DTNA: variants seen among roughly 807,000 people sequenced by gnomAD.
DTNA encodes the protein dystrophin-related protein 3.
In DTNA, 43 loss-of-function variants were observed where a neutral mutation model predicts 100.7. The ratio of observed to expected loss-of-function variants is 0.43; its 90% CI spans 0.33 to 0.55. The LOEUF (loss-of-function observed/expected upper bound fraction) is 0.55. Among genes scored for constraint, DTNA ranks in the 20% least tolerant of loss-of-function variants. DTNA has a pLI of 0.04. For missense variants in DTNA, 798 were observed against 953.9 expected (o/e 0.84, Z 2.15); for synonymous variants, 349 against 347.9 (o/e 1.00, Z -0.04).
At chr18:34,586,966 G>GTTT (rs56229514) in intron 1 of DTNA, among the ~76,000 whole-genome samples, 27 of 146,056 alleles carry the variant, frequency 1.8e-4, no homozygotes, top group Non-Finnish European at 2.1e-4. Flanking sequence ...AAAATCTTTA[G>GTTT]TTTTTTTTTT....
chr18:34,814,797 T>C (rs2149370436), intron 6 of DTNA, among the ~76,000 whole-genome samples: 1 of 152,334 alleles, frequency 6.6e-6, no homozygotes, highest in South Asian at 2.1e-4. Flanking sequence ...TGTTCTGTTA[T>C]ATGATTTATA....
chr18:34,677,177 G>A (rs895663921), intron 1 of DTNA, among the ~76,000 whole-genome samples: 7 of 152,128 alleles, frequency 4.6e-5, no homozygotes, highest in African/African-American at 1.4e-4. Flanking sequence ...AGGAACAGCA[G>A]AATTTAAAGC....
At chr18:34,771,300 C>T (rs1332253723) in intron 3 of DTNA, among the ~76,000 whole-genome samples, 1 of 151,990 alleles carries the variant, frequency 6.6e-6, no homozygotes, top group Non-Finnish European at 1.5e-5. Context: ...GAGATCGAGA[C>T]CATCCTGGCT....
Position 34,867,051 on chromosome 18 carries a change from A to G in DTNA, c.1743+2989A>G, listed in dbSNP as rs1208767573. On this transcript the variant is annotated intron_variant, in intron 17 of 22. Transcript: ENST00000444659. ...GCAAAATAAAAGCAGCTTTAATTTC[A>G]AGTGCATGTACCACGCTATGTATGA... 5.7e-6 allele frequency: 7 copies of G among 1,228,700 alleles called. 1 individual carries two copies. Among genetic ancestry groups the G allele is most frequent in the African/African-American group, 3.1e-5 (2 of 64,368 alleles). 76.1% of individuals were successfully genotyped at this position (1,228,700 alleles called of 1,614,324 possible).
At chr18:34,877,897 T>C in intron 19 of DTNA, 89 bp downstream of exon 19, 1 of 1,107,788 alleles carries the variant, frequency 9.0e-7, no homozygotes, top group Non-Finnish European at 1.4e-6. Context: ...GCTTATTGTC[T>C]AATATCAAAA....
intron 1 of DTNA, among the ~76,000 whole-genome samples, chr18:34,697,337 G>A (rs1424304406): frequency 6.6e-6 from 1 of 152,174 alleles, no homozygotes; most frequent in Non-Finnish European, 1.5e-5. Context: ...CAACTCCTGT[G>A]AGGTCACTGT....
At chr18:34,628,590 C>T (rs771534802) in intron 1 of DTNA, among the ~76,000 whole-genome samples, 6 of 152,170 alleles carry the variant, frequency 3.9e-5, no homozygotes, top group Non-Finnish European at 8.8e-5. Flanking sequence ...AATTGCTTAT[C>T]AGAGAACTTC....
intron 1 of DTNA, among the ~76,000 whole-genome samples, chr18:34,525,166 G>A (rs556602881): frequency 2.1e-3 from 313 of 152,180 alleles, no homozygotes; most frequent in African/African-American, 7.0e-3. Context: ...GAAAGTCTCC[G>A]TGACTCCCAA....
intron 1 of DTNA, among the ~76,000 whole-genome samples, chr18:34,502,358 A>G (rs1346120573): frequency 6.6e-6 from 1 of 151,938 alleles, no homozygotes; most frequent in Non-Finnish European, 1.5e-5. Flanking sequence ...TTTCCATTTC[A>G]TTGATTTCTG....
At chr18:34,796,732 A>C (rs1398912120) in intron 4 of DTNA, among the ~76,000 whole-genome samples, 1 of 152,220 alleles carries the variant, frequency 6.6e-6, no homozygotes, top group Admixed American at 6.5e-5. Flanking sequence ...CTCATGAAGA[A>C]TAAGAACTTG....
intron 1 of DTNA, among the ~76,000 whole-genome samples, chr18:34,656,760 G>A (rs2074432201): frequency 6.6e-6 from 1 of 152,118 alleles, no homozygotes; most frequent in South Asian, 2.1e-4. Flanking sequence ...ATAGTTGTTA[G>A]ATGTTGAAAT....
chr18:34,710,985 AG>A (rs1225327458), intron 1 of DTNA, among the ~76,000 whole-genome samples: 9 of 152,076 alleles, frequency 5.9e-5, no homozygotes, highest in Non-Finnish European at 2.9e-5. Flanking sequence ...TAACATGTAT[AG>A]TCCGGTTTTA....
intron 1 of DTNA, among the ~76,000 whole-genome samples, chr18:34,591,523 T>A (rs2049723143): frequency 6.6e-6 from 1 of 152,212 alleles, no homozygotes. Context: ...TGGCCGCACG[T>A]CTGTCCACCC....
At chr18:34,598,795 G>A (rs1445347712) in intron 1 of DTNA, among the ~76,000 whole-genome samples, 1 of 152,146 alleles carries the variant, frequency 6.6e-6, no homozygotes, top group African/African-American at 2.4e-5. Context: ...GAACCTGGGA[G>A]GTGGAGCTTG....
At chr18:34,789,875 A>G (rs1228829511) in intron 3 of DTNA, among the ~76,000 whole-genome samples, 2 of 152,194 alleles carry the variant, frequency 1.3e-5, no homozygotes, top group Non-Finnish European at 2.9e-5. Flanking sequence ...CCTACATGAC[A>G]TGCCCTATTC....
chr18:34,854,907 C>A (rs1233657954), intron 15 of DTNA, among the ~76,000 whole-genome samples: 1 of 152,162 alleles, frequency 6.6e-6, no homozygotes, highest in Non-Finnish European at 1.5e-5. Context: ...ATCCTCAGAA[C>A]AACTATTTAA....
At chr18:34,836,469 G>T (rs2096147177) in intron 11 of DTNA, among the ~76,000 whole-genome samples, 1 of 152,012 alleles carries the variant, frequency 6.6e-6, no homozygotes, top group African/African-American at 2.4e-5. Context: ...CCAACATGGT[G>T]AAACCCCATC....
At chr18:34,545,578 A>G (rs2044693717) in intron 1 of DTNA, among the ~76,000 whole-genome samples, 1 of 152,122 alleles carries the variant, frequency 6.6e-6, no homozygotes, top group Admixed American at 6.5e-5. Context: ...GTAGCATGTA[A>G]AACATTGAAA....
At chr18:34,591,495 C>A (rs2049717624) in intron 1 of DTNA, among the ~76,000 whole-genome samples, 1 of 152,184 alleles carries the variant, frequency 6.6e-6, no homozygotes, top group African/African-American at 2.4e-5. Context: ...AACAGAGCAG[C>A]TGAATGTGAA....
Sources: allele counts gnomAD v4.1 joint callset (sites outside exome capture counted in the v4.1 genomes callset), GRCh38; gene constraint gnomAD v4.1.1; transcripts MANE v1.5; gene names NCBI Gene and HGNC (gene_info 2026-07-23, HGNC 2026-07-21).